The following MCHR2 variants were observed in gnomAD, a reference collection of about 807,000 sequenced individuals.
MCHR2 encodes melanin concentrating hormone receptor 2, also known as melanin-concentrating hormone receptor 2.
A neutral mutation model predicts 24.8 loss-of-function variants in MCHR2; 15 were observed. That is an observed-to-expected ratio of 0.60 (90% CI 0.40 to 0.93). The LOEUF (loss-of-function observed/expected upper bound fraction) is 0.93. MCHR2 is among the 40% of genes least tolerant of loss of function. MCHR2 has a pLI of 0.00. For missense variants in MCHR2, 386 were observed against 408.7 expected (o/e 0.94, Z 0.48); for synonymous variants, 151 against 147.6 (o/e 1.02, Z -0.17).
At chr6:99,947,488 T>C (rs1481471343) in intron 3 of MCHR2, among the ~76,000 whole-genome samples, 3 of 152,164 alleles carry the variant, frequency 2.0e-5, no homozygotes, top group Non-Finnish European at 2.9e-5. Context: ...TATTTCCTGG[T>C]TTTGTGATTT....
At chr6:99,951,385 A>G (rs1199435125) in intron 2 of MCHR2, among the ~76,000 whole-genome samples, 1 of 152,134 alleles carries the variant, frequency 6.6e-6, no homozygotes. Context: ...ATTAGAGATG[A>G]CTGCTAAGGG....
chr6:99,928,162 C>T (rs1209166754), intron 5 of MCHR2, among the ~76,000 whole-genome samples: 1 of 152,112 alleles, frequency 6.6e-6, no homozygotes, highest in African/African-American at 2.4e-5. Flanking sequence ...TATATTGAAC[C>T]AGCCTTGCAT....
chr6:99,993,613 G>T (rs999786979), intron 1 of MCHR2, among the ~76,000 whole-genome samples: 2 of 152,022 alleles, frequency 1.3e-5, no homozygotes, highest in Admixed American at 1.3e-4. Context: ...GCGCTCCAGC[G>T]GTCTCGGTCG....
At chr6:99,942,519 A>C (rs930219877) in intron 4 of MCHR2, among the ~76,000 whole-genome samples, 2 of 152,190 alleles carry the variant, frequency 1.3e-5, no homozygotes, top group Non-Finnish European at 2.9e-5. Context: ...CCTATTTCCA[A>C]ATAAGATCAC....
At chr6:99,987,682 G>C (rs140250149) in intron 1 of MCHR2, among the ~76,000 whole-genome samples, 1 of 152,082 alleles carries the variant, frequency 6.6e-6, no homozygotes, top group Non-Finnish European at 1.5e-5. Context: ...GAAAGCAAAA[G>C]AGATCAAAAC....
At chr6:99,951,157 A>G (rs923277452) in intron 2 of MCHR2, among the ~76,000 whole-genome samples, 3 of 152,092 alleles carry the variant, frequency 2.0e-5, no homozygotes, top group Non-Finnish European at 4.4e-5. Context: ...GGGGTGAGGG[A>G]TGGGATAGGG....
intron 1 of MCHR2, among the ~76,000 whole-genome samples, chr6:99,980,365 C>T (rs1775641777): frequency 6.6e-6 from 1 of 152,136 alleles, no homozygotes; most frequent in Non-Finnish European, 1.5e-5. Flanking sequence ...TCAGGGCAGG[C>T]TGAGATGGAA....
chr6:99,977,683 T>C lies in MCHR2; in HGVS notation c.-28+16253A>G, dbSNP rs370409424. ...TGGCCCCTAGAGGTCCTGTGGGTCC[T>C]GGGCATAATGGCTACTATGCCTAGT... On this transcript the variant is annotated intron_variant, in intron 1 of 5. Transcript: ENST00000281806. Among the ~76,000 whole-genome samples, 497 of 152,282 alleles carry C rather than the reference T, an allele frequency of 3.3e-3. 3 individuals carry two copies. Among genetic ancestry groups the C allele is most frequent in the African/African-American group, 6.9e-3 (285 of 41,566 alleles).
chr6:99,952,211 T>TC (rs146747722), intron 2 of MCHR2, among the ~76,000 whole-genome samples: 116 of 152,252 alleles, frequency 7.6e-4, no homozygotes, highest in Non-Finnish European at 1.4e-3. Context: ...TAAACTGGCT[T>TC]CCTTTCACCT....
chr6:99,942,837 G>C (rs1774798208), intron 4 of MCHR2, 112 bp downstream of exon 4: 1 of 800,496 alleles, frequency 1.2e-6, no homozygotes, highest in Non-Finnish European at 1.9e-6. Context: ...GGAGATACTG[G>C]CGAGAAGAGG....
intron 2 of MCHR2, among the ~76,000 whole-genome samples, chr6:99,950,412 A>C (rs1774944922): frequency 6.6e-6 from 1 of 152,124 alleles, no homozygotes; most frequent in Non-Finnish European, 1.5e-5. Context: ...TTACGATGTA[A>C]ACATTTAATA....
Position 99,934,415 on chromosome 6 carries a change from C to A in MCHR2, c.690G>T (p.Gln230His). ...ACACTTACCATCTGGCATCCTTATT[C>A]TGTTGATACATCTCCCAAGTATAGC... is the stretch of plus-strand genomic sequence containing the variant. ...ILCYTWEMYQ[Q>H]NKDARCCNPS... Residue 230 changes from glutamine (Q) to histidine (H), a missense_variant, in exon 5 of 6, where the codon CAG becomes CAT. By Grantham distance (24) the Gln-to-His change is conservative (BLOSUM62 0). Coordinates refer to ENST00000281806, the MANE Select transcript of MCHR2 (RefSeq NM_001040179.2). 1 of 1,591,422 alleles carries A rather than the reference C, an allele frequency of 6.3e-7. No homozygotes were observed. The highest frequency in any genetic ancestry group is 8.5e-7 in the Non-Finnish European group (1 of 1,172,220).
intron 1 of MCHR2, among the ~76,000 whole-genome samples, chr6:99,989,046 T>C (rs1775818737): frequency 6.6e-6 from 1 of 152,156 alleles, no homozygotes; most frequent in African/African-American, 2.4e-5. Context: ...CACTTATGAC[T>C]CCTATGAGAA....
intron 1 of MCHR2, among the ~76,000 whole-genome samples, chr6:99,980,695 C>G (rs1198026474): frequency 6.6e-6 from 1 of 152,134 alleles, no homozygotes. Flanking sequence ...AAAAAATACC[C>G]TCTATATTGG....
At chr6:99,992,666 C>T (rs767815493) in intron 1 of MCHR2, among the ~76,000 whole-genome samples, 5 of 152,196 alleles carry the variant, frequency 3.3e-5, no homozygotes, top group Non-Finnish European at 7.3e-5. Flanking sequence ...CTTTATTCCC[C>T]AGGCTTGAAA....
chr6:99,922,948 A>T (rs923869851), intron 5 of MCHR2, among the ~76,000 whole-genome samples: 1 of 152,060 alleles, frequency 6.6e-6, no homozygotes, highest in Non-Finnish European at 1.5e-5. Flanking sequence ...GTATTTTGAT[A>T]GACATTGCTT....
chr6:99,950,451 G>A (rs1336585786), intron 2 of MCHR2, among the ~76,000 whole-genome samples: 1 of 151,778 alleles, frequency 6.6e-6, no homozygotes, highest in African/African-American at 2.4e-5. Flanking sequence ...GATAATTTTG[G>A]CTAACATGTG....
intron 5 of MCHR2, 43 bp from the exon 6 acceptor site, chr6:99,921,298 A>G: frequency 6.4e-7 from 1 of 1,564,566 alleles, no homozygotes; most frequent in Non-Finnish European, 8.7e-7. Context: ...AAACAACCAT[A>G]GAAATTATGG....
intron 1 of MCHR2, among the ~76,000 whole-genome samples, chr6:99,971,048 CT>C (rs958616215): frequency 2.6e-5 from 4 of 152,108 alleles, no homozygotes; most frequent in Non-Finnish European, 5.9e-5. Context: ...GATGCAGGCT[CT>C]TTTTTGGTTC....
Sources: allele counts gnomAD v4.1 joint callset (sites outside exome capture counted in the v4.1 genomes callset), GRCh38; gene constraint gnomAD v4.1.1; transcripts MANE v1.5; gene names NCBI Gene and HGNC (gene_info 2026-07-23, HGNC 2026-07-21).